MORC3: variants seen among roughly 807,000 people sequenced by gnomAD.
The protein encoded by MORC3 is MORC family CW-type zinc finger 3.
Under a neutral mutation model 109.1 loss-of-function variants are expected in MORC3, and 31 were observed. That is an observed-to-expected ratio of 0.28 (90% CI 0.21 to 0.38). The LOEUF is 0.38. MORC3 is among the 10% of genes least tolerant of loss of function. MORC3 has a pLI of 1.00. For synonymous variants in MORC3, 395 were observed against 380.7 expected (o/e 1.04, Z -0.44); for missense variants, 867 against 1,135.8 (o/e 0.76, Z 3.40).
intron 2 of MORC3, among the ~76,000 whole-genome samples, chr21:36,334,304 C>T (rs2085351433): frequency 6.6e-6 from 1 of 152,180 alleles, no homozygotes; most frequent in Non-Finnish European, 1.5e-5. Context: ...CATAGCATAA[C>T]AGCTATTCAC....
intron 8 of MORC3, among the ~76,000 whole-genome samples, chr21:36,345,849 G>C (rs558784372): frequency 3.4e-4 from 51 of 151,848 alleles, no homozygotes; most frequent in African/African-American, 1.2e-3. Context: ...GAGCCACCGC[G>C]CCCGGCTTTA....
At chr21:36,351,717 C>T (rs1485785386) in intron 9 of MORC3, among the ~76,000 whole-genome samples, 1 of 152,068 alleles carries the variant, frequency 6.6e-6, no homozygotes, top group African/African-American at 2.4e-5. Context: ...AAAGGGGAAC[C>T]CTCGTACACT....
At chr21:36,352,399 G>T (rs200587800) in intron 9 of MORC3, among the ~76,000 whole-genome samples, 16 of 21,376 alleles carry the variant, frequency 7.5e-4, no homozygotes, top group South Asian at 0.012. Flanking sequence ...AAAAAGGGGT[G>T]GGGGGGGGCA....
At chr21:36,371,089 G>C (rs1156580491) in intron 15 of MORC3, among the ~76,000 whole-genome samples, 2 of 152,138 alleles carry the variant, frequency 1.3e-5, no homozygotes, top group Non-Finnish European at 2.9e-5. Flanking sequence ...TAAATACCAA[G>C]AGACAAATGA....
chr21:36,325,127 G>A (rs755014027), intron 1 of MORC3, among the ~76,000 whole-genome samples: 5 of 152,188 alleles, frequency 3.3e-5, no homozygotes, highest in Admixed American at 2.0e-4. Context: ...GAGTCATTTT[G>A]TTGGGGGTGC....
chr21:36,345,183 TGAAC>T, intron 8 of MORC3, 152 bp downstream of exon 8: 1 of 793,366 alleles, frequency 1.3e-6, no homozygotes. Flanking sequence ...CTGTGGTATT[TGAAC>T]TTTTATTAAC....
intron 1 of MORC3, among the ~76,000 whole-genome samples, chr21:36,327,169 T>TC (rs1302107379): frequency 7.1e-6 from 1 of 140,026 alleles, no homozygotes; most frequent in Non-Finnish European, 1.5e-5. Context: ...TTTTTTTTTT[T>TC]TTTTTTTTTT....
rs2085492022 is a variant in MORC3 at position 36,344,984 on chromosome 21, A to C, written c.958A>C (p.Arg320=). The C allele has an allele frequency of 1.2e-6, 2 of 1,611,438 alleles. No individual in the cohort carries two copies. Among genetic ancestry groups the C allele is most frequent in the Non-Finnish European group, 1.7e-6 (2 of 1,179,026 alleles). ...TCATTATGGGATAATGATGTATCAC[A>C]GAAATAGACTCATCAAAGCTTATGA... The part of the protein sequence containing the change: ...KDHYGIMMYH[R]NRLIKAYEKV... The change falls in exon 8 of 17, where the codon AGA becomes CGA. Residue 320 remains arginine (R), a synonymous_variant. Transcript: ENST00000400485.
chr21:36,337,154 C>A, intron 3 of MORC3, 148 bp downstream of exon 3: 1 of 927,446 alleles, frequency 1.1e-6, no homozygotes, highest in Non-Finnish European at 1.5e-6. Context: ...TTTTCTACTA[C>A]TGGTAGATGA....
rs147826400 is a variant in MORC3, at chr21:36,358,292, G to A, written c.1208+1568G>A. On this transcript the variant is annotated intron_variant, in intron 10 of 16. Transcript: ENST00000400485. The stretch of plus-strand genomic sequence containing the variant: ...CCCAGCTACTTGGGAGGCTGAGGCA[G>A]GAGAATAGCTTGAACCCGGGAGGCA... Among the ~76,000 whole-genome samples the A allele has an allele frequency of 8.6e-3, 1,309 of 152,102 alleles. 11 individuals carry two copies. Among genetic ancestry groups the A allele is most frequent in the African/African-American group, 0.03 (1,233 of 41,524 alleles).
chr21:36,332,941 C>T (rs116656978), intron 1 of MORC3, among the ~76,000 whole-genome samples: 4,003 of 152,176 alleles, frequency 0.026, 163 homozygotes, highest in African/African-American at 0.088. Flanking sequence ...GCGCCCATCA[C>T]CACGCCCAGG....
intron 1 of MORC3, among the ~76,000 whole-genome samples, chr21:36,331,644 A>G (rs1368164105): frequency 6.6e-6 from 1 of 151,766 alleles, no homozygotes; most frequent in Non-Finnish European, 1.5e-5. Flanking sequence ...GTGTGTTTTT[A>G]TACATTTGGT....
chr21:36,369,004 T>C lies in MORC3; in HGVS notation c.1636T>C (p.Ser546Pro). 6.2e-7 allele frequency: 1 copy of C among 1,609,334 alleles called. No individual in the cohort carries two copies. The highest frequency in any genetic ancestry group is 8.5e-7 in the Non-Finnish European group (1 of 1,177,142). The change falls in exon 15 of 17, where the codon TCT becomes CCT. Residue 546 changes from serine (S) to proline (P), a missense_variant. Transcript: ENST00000400485. ...TTTTTTCAGCTTGAAACGGAGACTT[T>C]CTACTCGTTCCTCAATTTTGAATGC... Reference protein sequence around the residue: ...PESNSLKRRLSTRSSILNAKN... With the variant: ...PESNSLKRRLPTRSSILNAKN...
rs375280232 is a variant in MORC3 at position 36,369,977 on chromosome 21, A to G, written c.2508+101A>G. On this transcript the variant is annotated intron_variant, in intron 15 of 16. Coordinates refer to ENST00000400485, the MANE Select transcript of MORC3 (RefSeq NM_015358.3). ...CGCGGTGGCTCATACCTGTAATCCC[A>G]CCACTTGGGGAGGCCAAGGCGGGTG... The G allele has an allele frequency of 2.5e-4, 347 of 1,403,238 alleles. 6 individuals carry two copies. The East Asian group carries it at 6.9e-3, about 28-fold the overall frequency. The allele number at this position is 1,403,238 out of a possible 1,614,324, so 86.9% of individuals were successfully genotyped here.
In MORC3 at chr21:36,369,851, T is replaced by C. The variant is rs944340824; in HGVS notation, c.2483T>C (p.Ile828Thr). 1.9e-6 allele frequency: 3 copies of C among 1,612,878 alleles called. No individual in the cohort carries two copies. Among genetic ancestry groups the C allele is most frequent in the Admixed American group, 3.3e-5 (2 of 59,998 alleles). Residue 828 changes from isoleucine to threonine, a missense_variant, in exon 15 of 17, where the codon ATT becomes ACT. Physicochemically the swap from Ile to Thr is moderately conservative, Grantham distance 89 (BLOSUM62 -1). Around this residue, in one of 7 missense-constraint regions of MORC3, gnomAD observed 486 missense variants for 502.1 expected, o/e 0.97. Coordinates refer to ENST00000400485, the MANE Select transcript of MORC3 (RefSeq NM_015358.3). ...DVFRQLDKCS[I>T]ERDQYKSEVE... is the part of the protein sequence containing the mutation. ...TTTAGACAACTGGACAAATGCAGTA[T>C]TGAGAGGGACCAGTATAAAAGTGAG...
chr21:36,374,592 A>G (rs2085908105), intron 16 of MORC3, among the ~76,000 whole-genome samples: 1 of 152,012 alleles, frequency 6.6e-6, no homozygotes, highest in Non-Finnish European at 1.5e-5. Context: ...GGAGTTTGAG[A>G]CCAGCCTGGG....
chr21:36,353,607 T>G (rs888884594), intron 9 of MORC3, among the ~76,000 whole-genome samples: 1 of 151,420 alleles, frequency 6.6e-6, no homozygotes, highest in Non-Finnish European at 1.5e-5. Flanking sequence ...TGAGATGGAG[T>G]CTTGCTCTGT....
At chr21:36,329,464 G>A (rs1160188140) in intron 1 of MORC3, among the ~76,000 whole-genome samples, 1 of 152,084 alleles carries the variant, frequency 6.6e-6, no homozygotes, top group African/African-American at 2.4e-5. Context: ...CAAACATGAG[G>A]GGAATCATGT....
chr21:36,371,831 G>A (rs897387841), intron 15 of MORC3, among the ~76,000 whole-genome samples: 1 of 106,720 alleles, frequency 9.4e-6, no homozygotes, highest in Admixed American at 9.0e-5. Context: ...TTTTTTTTTT[G>A]AGATGGAACT....
Sources: gnomAD v4.1 joint callset for allele counts (sites outside exome capture counted in the v4.1 genomes callset) on GRCh38, gnomAD v4.1.1 for gene constraint, gnomAD v4.1.1 regional missense constraint, MANE v1.5 for transcripts, NCBI Gene and HGNC (gene_info 2026-07-23, HGNC 2026-07-21) for gene names.